Variants in ADAM18 observed in about 807,000 individuals in gnomAD.
The protein encoded by ADAM18 is ADAM metallopeptidase domain 18.
A neutral mutation model predicts 94.4 loss-of-function variants in ADAM18; 117 were observed. That is an observed-to-expected ratio of 1.24 (90% CI 1.07 to 1.45). ADAM18 has a LOEUF of 1.45. ADAM18 is among the 40% of genes most tolerant of loss of function. The probability of loss-of-function intolerance (pLI) is 0.00; values close to 1 mark genes in which losing one functional copy is unlikely to be tolerated. For missense variants in ADAM18, 936 were observed against 880.0 expected (o/e 1.06, Z -0.81); for synonymous variants, 327 against 291.6 (o/e 1.12, Z -1.24).
chr8:39,705,568 A>G (rs1010963939), intron 17 of ADAM18, among the ~76,000 whole-genome samples: 3 of 152,148 alleles, frequency 2.0e-5, no homozygotes, highest in Admixed American at 6.5e-5. Context: ...AAAAAAATGC[A>G]TAAGTGATAT....
At chr8:39,722,215 GTGTATATATATATATA>G (rs1403774288) in intron 18 of ADAM18, among the ~76,000 whole-genome samples, 22 of 68,078 alleles carry the variant, frequency 3.2e-4, no homozygotes, top group African/African-American at 1.9e-3. Flanking sequence ...GTGTGTGTGT[GTGTATATATATATATA>G]TATATATATA....
At chr8:39,724,232 A>G (rs2129581891) in intron 19 of ADAM18, among the ~76,000 whole-genome samples, 1 of 151,828 alleles carries the variant, frequency 6.6e-6, no homozygotes, top group Middle Eastern at 3.4e-3. Flanking sequence ...TTTACTTACC[A>G]TTTTAATATC....
At chr8:39,680,375 A>G in intron 16 of ADAM18, 149 bp downstream of exon 16, 1 of 820,640 alleles carries the variant, frequency 1.2e-6, no homozygotes, top group Non-Finnish European at 1.8e-6. Context: ...TGATAATTAA[A>G]ACAAGCCTAA....
At chr8:39,608,373 G>T (rs987550095) in intron 3 of ADAM18, among the ~76,000 whole-genome samples, 5 of 151,556 alleles carry the variant, frequency 3.3e-5, no homozygotes, top group Admixed American at 6.6e-5. Flanking sequence ...GTCTTTATCT[G>T]CTCAAACCCT....
chr8:39,645,032 G>A (rs982431413), intron 10 of ADAM18, among the ~76,000 whole-genome samples: 2 of 152,078 alleles, frequency 1.3e-5, no homozygotes, highest in African/African-American at 2.4e-5. Context: ...TTCATTGGAT[G>A]AACTGATTCA....
intron 11 of ADAM18, among the ~76,000 whole-genome samples, chr8:39,646,138 T>C (rs1191941458): frequency 6.6e-6 from 1 of 152,122 alleles, no homozygotes; most frequent in Non-Finnish European, 1.5e-5. Flanking sequence ...ATTTCTTTCC[T>C]TGGAGGCTTA....
intron 6 of ADAM18, among the ~76,000 whole-genome samples, chr8:39,628,407 T>A (rs2129579016): frequency 7.2e-6 from 1 of 138,674 alleles, no homozygotes; most frequent in Admixed American, 7.4e-5. Flanking sequence ...ATTGATAGAC[T>A]GATAGATCAA....
intron 2 of ADAM18, among the ~76,000 whole-genome samples, chr8:39,601,015 C>T (rs1234678596): frequency 2.6e-5 from 4 of 152,116 alleles, no homozygotes; most frequent in Non-Finnish European, 5.9e-5. Context: ...CCTCAGGAAA[C>T]ATTCAGTCAT....
At chr8:39,643,230 C>T (rs1820281724) in intron 10 of ADAM18, among the ~76,000 whole-genome samples, 1 of 152,074 alleles carries the variant, frequency 6.6e-6, no homozygotes, top group South Asian at 2.1e-4. Context: ...TCTGCAAACA[C>T]AGATAGTTTG....
intron 17 of ADAM18, among the ~76,000 whole-genome samples, chr8:39,697,006 TG>T (rs1403376392): frequency 2.0e-5 from 3 of 151,534 alleles, no homozygotes; most frequent in Non-Finnish European, 4.4e-5. Flanking sequence ...GAACATGAGA[TG>T]TTTTTAAATT....
intron 7 of ADAM18, among the ~76,000 whole-genome samples, chr8:39,636,001 G>T (rs926495278): frequency 1.5e-4 from 21 of 141,852 alleles, no homozygotes; most frequent in Admixed American, 2.1e-4. Context: ...TAACCATTAA[G>T]TTTTTTTGTT....
chr8:39,668,082 T>A lies in ADAM18; in HGVS notation c.1411T>A (p.Cys471Ser). The stretch of plus-strand genomic sequence containing the variant: ...GTACTGCAATGGAACCTCTAGTAAT[T>A]GTGTTCCTGACACTTATGCATTGAA... Reference protein sequence around the residue: ...TEYCNGTSSNCVPDTYALNGR... With the variant: ...TEYCNGTSSNSVPDTYALNGR... Residue 471 changes from cysteine (C) to serine (S), a missense_variant, in exon 14 of 20, where the codon TGT becomes AGT. Coordinates refer to ENST00000265707, the MANE Select transcript of ADAM18 (RefSeq NM_014237.3). 6.2e-7 allele frequency: 1 copy of A among 1,614,114 alleles called. No homozygotes were observed. The highest frequency in any genetic ancestry group is 1.1e-5 in the South Asian group (1 of 91,084).
intron 3 of ADAM18, 31 bp from the exon 4 acceptor site, chr8:39,609,011 C>A: frequency 8.1e-7 from 1 of 1,237,534 alleles, no homozygotes; most frequent in South Asian, 1.4e-5. Context: ...GATTATGATT[C>A]ATACTTTTTT....
intron 7 of ADAM18, among the ~76,000 whole-genome samples, chr8:39,635,246 T>G (rs923230994): frequency 2.6e-5 from 4 of 152,194 alleles, no homozygotes; most frequent in Admixed American, 1.3e-4. Context: ...GCAGGGCAAA[T>G]GGACTAAGGC....
At chr8:39,624,645 T>C (rs149246135) in intron 6 of ADAM18, among the ~76,000 whole-genome samples, 2 of 152,324 alleles carry the variant, frequency 1.3e-5, no homozygotes, top group South Asian at 2.1e-4. Flanking sequence ...CCAAATCTCA[T>C]GTGAAATTGT....
At chr8:39,622,511 C>T (rs1819642946) in intron 6 of ADAM18, among the ~76,000 whole-genome samples, 1 of 151,474 alleles carries the variant, frequency 6.6e-6, no homozygotes, top group East Asian at 1.9e-4. Flanking sequence ...GAAAATAAAG[C>T]ACATGAGAAT....
intron 6 of ADAM18, chr8:39,611,372 TG>T (rs1480191567): frequency 1.1e-6 from 1 of 920,578 alleles, no homozygotes; most frequent in African/African-American, 1.8e-5. Context: ...AAGCACTTCT[TG>T]GGTCTGTAAA....
chr8:39,605,399 G>A (rs1819044646), intron 2 of ADAM18, among the ~76,000 whole-genome samples: 1 of 152,144 alleles, frequency 6.6e-6, no homozygotes, highest in Admixed American at 6.5e-5. Flanking sequence ...TCTTGTCCCT[G>A]GAGGTATAGT....
At chr8:39,609,194 G>GT (rs1202349709) in intron 4 of ADAM18, 74 bp downstream of exon 4, 2 of 1,033,974 alleles carry the variant, frequency 1.9e-6, no homozygotes, top group African/African-American at 3.2e-5. Flanking sequence ...CATGTTGACA[G>GT]TTTAATACAA....
Sources: gnomAD v4.1 joint callset for allele counts (sites outside exome capture counted in the v4.1 genomes callset) on GRCh38, gnomAD v4.1.1 for gene constraint, MANE v1.5 for transcripts, NCBI Gene and HGNC (gene_info 2026-07-23, HGNC 2026-07-21) for gene names.